The following CACNB2 variants were observed in gnomAD, a reference collection of about 807,000 sequenced individuals.
CACNB2 encodes the protein voltage-dependent L-type calcium channel subunit beta-2.
CACNB2 carries 42 observed loss-of-function variants against 73.3 expected under a neutral mutation model. The observed-to-expected ratio is 0.57, with a 90% CI of 0.45 to 0.74. The LOEUF (loss-of-function observed/expected upper bound fraction) is 0.74. Ranked by LOEUF, CACNB2 falls within the 30% of genes least tolerant of loss-of-function variation. The pLI, the probability that CACNB2 is intolerant of heterozygous loss-of-function variation, is 0.00. For missense variants in CACNB2, 940 were observed against 853.0 expected (o/e 1.10, Z -1.27); for synonymous variants, 348 against 310.3 (o/e 1.12, Z -1.28).
intron 3 of CACNB2, among the ~76,000 whole-genome samples, chr10:18,492,620 CAAAAA>C (rs371407084): frequency 5.5e-5 from 5 of 90,506 alleles, no homozygotes; most frequent in Admixed American, 2.8e-4. Context: ...GACTCTGTCT[CAAAAA>C]AAAAAAAAAA....
intron 2 of CACNB2, among the ~76,000 whole-genome samples, chr10:18,180,918 A>G (rs2033840285): frequency 6.6e-6 from 1 of 151,686 alleles, no homozygotes; most frequent in South Asian, 2.1e-4. Context: ...GTGAGCCGAG[A>G]TCACACCACT....
At chr10:18,500,467 C>T (rs1258300024) in intron 4 of CACNB2, among the ~76,000 whole-genome samples, 1 of 152,138 alleles carries the variant, frequency 6.6e-6, no homozygotes, top group Non-Finnish European at 1.5e-5. Flanking sequence ...GGGAAGATTT[C>T]TGTAACAGTA....
Position 18,539,543 on chromosome 10 carries a change from G to A in CACNB2, c.1802G>A (p.Arg601Lys). 6.2e-7 allele frequency: 1 copy of A among 1,613,722 alleles called. No homozygotes were observed. The highest frequency in any genetic ancestry group is 8.5e-7 in the Non-Finnish European group (1 of 1,179,966). Residue 601 changes from arginine (R) to lysine (K), a missense_variant, in exon 14 of 14, where the codon AGA (arginine) becomes AAA (lysine). Physicochemically the swap from Arg to Lys is conservative, Grantham distance 26. Transcript: ENST00000324631. ...RDETHGSSDH[R>K]HRESRHRSRD... is the part of the protein sequence containing the mutation. ...GAGACCCACGGGAGCAGTGACCACA[G>A]ACACAGGGAGTCCCGGCACCGTTCC...
chr10:18,497,660 A>G (rs2133003561), intron 3 of CACNB2, among the ~76,000 whole-genome samples: 1 of 152,292 alleles, frequency 6.6e-6, no homozygotes. Flanking sequence ...CCTAGGGTCA[A>G]GCAATCCTCT....
chr10:18,153,698 C>T (rs2031795911), intron 2 of CACNB2, among the ~76,000 whole-genome samples: 1 of 150,302 alleles, frequency 6.7e-6, no homozygotes. Context: ...TCTCCTGCCT[C>T]AGCCTTGCGA....
intron 3 of CACNB2, among the ~76,000 whole-genome samples, chr10:18,488,416 A>G (rs758583735): frequency 3.6e-5 from 5 of 139,074 alleles, no homozygotes; most frequent in Non-Finnish European, 4.5e-5. Context: ...CGGAGCTTGC[A>G]GTGAGCCAAA....
At chr10:18,462,101 T>C (rs1456108929) in intron 3 of CACNB2, among the ~76,000 whole-genome samples, 5 of 152,224 alleles carry the variant, frequency 3.3e-5, no homozygotes, top group Non-Finnish European at 1.5e-5. Flanking sequence ...TTGCATGAGA[T>C]TCCCAGCAGT....
Position 18,298,348 on chromosome 10 carries a change from C to G in CACNB2, c.214-103576C>G, listed in dbSNP as rs973424540. Among the ~76,000 whole-genome samples, 3 of 148,532 alleles carry G rather than the reference C, an allele frequency of 2.0e-5. No individual in the cohort carries two copies. The East Asian group carries it at 6.0e-4, about 30-fold the overall frequency. On this transcript the variant is annotated intron_variant, in intron 2 of 13. Transcript: ENST00000324631. Reference sequence around the variant, plus strand: ...TTACGCCATTTCACTCCAGCCTGGGCGAAAGAGCGAAACTCTGTCTCAAAA... The same window carrying G: ...TTACGCCATTTCACTCCAGCCTGGGGGAAAGAGCGAAACTCTGTCTCAAAA...
At chr10:18,364,973 T>G (rs550937580) in intron 2 of CACNB2, among the ~76,000 whole-genome samples, 1 of 152,314 alleles carries the variant, frequency 6.6e-6, no homozygotes, top group South Asian at 2.1e-4. Flanking sequence ...CAAGTGCTGT[T>G]TTATTTGTAG....
chr10:18,518,499 T>A, intron 8 of CACNB2, 83 bp downstream of exon 8: 1 of 994,100 alleles, frequency 1.0e-6, no homozygotes, highest in Non-Finnish European at 1.6e-6. Context: ...ACCCTCTCTC[T>A]GAATTTTACA....
At chr10:18,308,768 A>T (rs2131873168) in intron 2 of CACNB2, among the ~76,000 whole-genome samples, 1 of 152,334 alleles carries the variant, frequency 6.6e-6, no homozygotes, top group East Asian at 1.9e-4. Flanking sequence ...GGCATACGGT[A>T]TGCCTGACAC....
chr10:18,492,064 G>A (rs1044451210), intron 3 of CACNB2, among the ~76,000 whole-genome samples: 10 of 152,166 alleles, frequency 6.6e-5, no homozygotes, highest in Admixed American at 6.5e-5. Context: ...AGTCGTCTAG[G>A]AAGGTGAAGG....
At chr10:18,147,958 C>T (rs964423965) in intron 1 of CACNB2, among the ~76,000 whole-genome samples, 80 of 152,030 alleles carry the variant, frequency 5.3e-4, no homozygotes, top group African/African-American at 1.9e-3. Context: ...GATGAATTTT[C>T]ACTAACATTT....
intron 2 of CACNB2, among the ~76,000 whole-genome samples, chr10:18,390,841 G>A (rs2043436069): frequency 6.6e-6 from 1 of 152,148 alleles, no homozygotes; most frequent in Non-Finnish European, 1.5e-5. Flanking sequence ...ATTCTTTCTA[G>A]TAGCTTCAAT....
At chr10:18,513,167 G>A (rs943274291) in intron 6 of CACNB2, 1 of 150,472 alleles carries the variant, frequency 6.6e-6, no homozygotes, top group African/African-American at 2.5e-5. Context: ...AGCTGAGCTG[G>A]TTGTCAGTGG....
intron 2 of CACNB2, chr10:18,340,910 C>G (rs1330695286): frequency 3.7e-6 from 6 of 1,614,100 alleles, no homozygotes; most frequent in Non-Finnish European, 5.1e-6. Flanking sequence ...GCTGGGCGCA[C>G]TTGGAATTGG....
intron 3 of CACNB2, among the ~76,000 whole-genome samples, chr10:18,475,313 G>C (rs767280470): frequency 3.3e-5 from 5 of 152,052 alleles, no homozygotes; most frequent in Non-Finnish European, 5.9e-5. Flanking sequence ...CCTGTCTCTA[G>C]AGGTCAGGGT....
chr10:18,534,159 C>G lies in CACNB2; in HGVS notation c.1138C>G (p.His380Asp), dbSNP rs935123934. 1 of 1,613,490 alleles carries G rather than the reference C, an allele frequency of 6.2e-7. No homozygotes were observed. Among genetic ancestry groups the G allele is most frequent in the African/African-American group, 1.3e-5 (1 of 74,906 alleles). The change falls in exon 11 of 14, where the codon CAT (histidine) becomes GAT (aspartate). Residue 380 changes from histidine (H) to aspartate (D), a missense_variant. Transcript: ENST00000324631. ...GGTCCTTGACGCGGATACAATTAAT[C>G]ATCCAGCTCAACTCAGTAAAACCTC... ...LVVLDADTIN[H>D]PAQLSKTSLA...
chr10:18,186,427 AAAAG>A (rs2034155608), intron 2 of CACNB2, among the ~76,000 whole-genome samples: 1 of 151,966 alleles, frequency 6.6e-6, no homozygotes, highest in South Asian at 2.1e-4. Flanking sequence ...CTGAAAAAAA[AAAAG>A]AAAGAAAGAA....
Sources: allele counts gnomAD v4.1 joint callset (sites outside exome capture counted in the v4.1 genomes callset), GRCh38; gene constraint gnomAD v4.1.1; transcripts MANE v1.5; gene names NCBI Gene and HGNC (gene_info 2026-07-23, HGNC 2026-07-21).